CDH18: variants seen among roughly 807,000 people sequenced by gnomAD.
CDH18 encodes cadherin 18, also known as cadherin-18.
Under a neutral mutation model 67.9 loss-of-function variants are expected in CDH18, and 31 were observed. The observed-to-expected ratio is 0.46, with a 90% confidence interval of 0.34 to 0.62. The LOEUF (loss-of-function observed/expected upper bound fraction) is 0.62. Ranked by LOEUF, CDH18 falls within the 20% of genes least tolerant of loss-of-function variation. The probability of loss-of-function intolerance (pLI) is 0.01; values close to 1 mark genes in which losing one functional copy is unlikely to be tolerated. For synonymous variants in CDH18, 362 were observed against 347.2 expected (o/e 1.04, Z -0.48); for missense variants, 890 against 975.5 (o/e 0.91, Z 1.17).
At chr5:20,405,073 T>C (rs1328889070) in intron 1 of CDH18, among the ~76,000 whole-genome samples, 1 of 152,058 alleles carries the variant, frequency 6.6e-6, no homozygotes, top group Non-Finnish European at 1.5e-5. Flanking sequence ...TTCACAGAAT[T>C]GGGAAAAAAT....
At chr5:19,510,459 A>G (rs1744936902) in intron 10 of CDH18, among the ~76,000 whole-genome samples, 1 of 152,168 alleles carries the variant, frequency 6.6e-6, no homozygotes, top group Admixed American at 6.6e-5. Context: ...CAACAGCATA[A>G]TAAGTTCAAT....
chr5:20,255,216 G>A (rs750800281), intron 2 of CDH18, among the ~76,000 whole-genome samples: 2 of 152,032 alleles, frequency 1.3e-5, no homozygotes, highest in Non-Finnish European at 2.9e-5. Flanking sequence ...TAACAAACTT[G>A]CACATGTACC....
In CDH18 at chr5:20,146,130, G is replaced by A. The variant is rs564599905; in HGVS notation, c.-518+109314C>T. On this transcript the variant is annotated intron_variant, in intron 2 of 14. Coordinates refer to the CDH18 transcript ENST00000507958. Reference sequence around the variant, plus strand: ...GCCTCTCTCAGATCTTCACATGGCCGGCTCTTTTTCATGGTGCAGGATTCT... The same window carrying A: ...GCCTCTCTCAGATCTTCACATGGCCAGCTCTTTTTCATGGTGCAGGATTCT... Among the ~76,000 whole-genome samples, 121 of 152,018 alleles carry A rather than the reference G, an allele frequency of 8.0e-4. 2 individuals carry two copies. In the South Asian group the frequency reaches 0.024, roughly 30 times the overall value.
intron 1 of CDH18, among the ~76,000 whole-genome samples, chr5:20,272,363 T>A (rs184723694): frequency 6.6e-6 from 1 of 152,100 alleles, no homozygotes; most frequent in Admixed American, 6.6e-5. Context: ...GTAAGCATGA[T>A]TAACTTTTTT....
chr5:20,373,344 C>CTT (rs1007504050), intron 1 of CDH18, among the ~76,000 whole-genome samples: 1 of 152,122 alleles, frequency 6.6e-6, no homozygotes, highest in African/African-American at 2.4e-5. Flanking sequence ...ACCCCAGGGC[C>CTT]TTTGCACATT....
At chr5:20,204,592 T>C (rs1324385020) in intron 2 of CDH18, among the ~76,000 whole-genome samples, 1 of 151,712 alleles carries the variant, frequency 6.6e-6, no homozygotes, top group Non-Finnish European at 1.5e-5. Context: ...CACAGACAAA[T>C]CCAAAATATT....
rs145081884 is a variant in CDH18, at chr5:19,865,387, TA to T, written c.-256-26146del. ...GCACAAAAAATATAGTTTTGTTACT[TA>T]AAAAAAACCTCAATCTCTATTTCAA... On this transcript the variant is annotated intron_variant, in intron 2 of 12. Transcript: ENST00000382275. Among the ~76,000 whole-genome samples the T allele has an allele frequency of 5.5e-3, 829 of 152,106 alleles. 3 individuals are homozygous for T. Among genetic ancestry groups the T allele is most frequent in the South Asian group, 0.011 (54 of 4,820 alleles).
Position 19,839,261 on chromosome 5 carries a change from T to C in CDH18, c.-256-19A>G, listed in dbSNP as rs1383249063. 1 of 390,932 alleles carries C rather than the reference T, an allele frequency of 2.6e-6. No homozygotes were observed. The highest frequency in any genetic ancestry group is 2.0e-5 in the African/African-American group (1 of 49,748). The allele number at this position is 390,932 out of a possible 1,614,324, so 24.2% of individuals were successfully genotyped here. ...TTTCAACCTAATGGAAAGAGAAAATTATATGTGTTACAAAACACGGTTTTT... is the reference window on the plus strand; with the variant it reads ...TTTCAACCTAATGGAAAGAGAAAATCATATGTGTTACAAAACACGGTTTTT... On this transcript the variant is annotated intron_variant, in intron 2 of 12. Transcript: ENST00000382275.
chr5:19,613,695 G>A (rs962958610), intron 5 of CDH18, among the ~76,000 whole-genome samples: 13 of 152,038 alleles, frequency 8.6e-5, no homozygotes, highest in Non-Finnish European at 1.9e-4. Flanking sequence ...TCTGTTAATA[G>A]AGTCTTACGT....
At position 19,994,845 on chromosome 5, in the gene CDH18, T is replaced by TAG. The variant is rs1216282321; in HGVS notation, c.-517-2832_-517-2831insCT. Among the ~76,000 whole-genome samples the TAG allele has an allele frequency of 6.5e-3, 207 of 31,744 alleles. 9 individuals carry two copies. The highest frequency in any genetic ancestry group is 0.019 in the South Asian group (12 of 634). The allele number at this position is 31,744 out of a possible 152,430, so 20.8% of individuals were successfully genotyped here. A position where few individuals can be genotyped will look rare whatever the true frequency, so the allele number is the denominator to read the frequency against. On this transcript the variant is annotated intron_variant, in intron 2 of 14. Transcript: ENST00000507958. ...TATAAAGAGAATATATATATATATA[T>TAG]ATATATATATAGAGAGAGAGAGAGA... is the stretch of plus-strand genomic sequence containing the variant.
chr5:20,161,532 G>T (rs894727030), intron 2 of CDH18, among the ~76,000 whole-genome samples: 1 of 152,166 alleles, frequency 6.6e-6, no homozygotes, highest in African/African-American at 2.4e-5. Context: ...GAGGTAACCA[G>T]AGTAAGTTTT....
intron 1 of CDH18, among the ~76,000 whole-genome samples, chr5:20,478,196 A>G (rs1752563966): frequency 6.6e-6 from 1 of 152,038 alleles, no homozygotes; most frequent in South Asian, 2.1e-4. Flanking sequence ...AGCAATGAGG[A>G]GAGTCTTTTG....
At chr5:20,040,682 T>TA (rs1740341560) in intron 2 of CDH18, among the ~76,000 whole-genome samples, 1 of 152,126 alleles carries the variant, frequency 6.6e-6, no homozygotes, top group African/African-American at 2.4e-5. Context: ...TCCTAAATGT[T>TA]AGAGTTATCT....
At chr5:20,487,293 A>C (rs1753257335) in intron 1 of CDH18, among the ~76,000 whole-genome samples, 2 of 151,414 alleles carry the variant, frequency 1.3e-5, no homozygotes, top group Non-Finnish European at 2.9e-5. Flanking sequence ...CCACTCATCT[A>C]AAAATGTTTT....
At chr5:19,848,750 GA>G (rs747845385) in intron 2 of CDH18, among the ~76,000 whole-genome samples, 5 of 151,784 alleles carry the variant, frequency 3.3e-5, no homozygotes, top group African/African-American at 4.8e-5. Flanking sequence ...GTGCAGGTGA[GA>G]AATGATGGTA....
intron 5 of CDH18, among the ~76,000 whole-genome samples, chr5:19,716,086 T>A (rs549582957): frequency 6.6e-6 from 1 of 152,204 alleles, no homozygotes; most frequent in South Asian, 2.1e-4. Context: ...CCCAAAGTGC[T>A]AGGATTACAG....
rs190613006 is a variant in CDH18 at position 20,444,311 on chromosome 5, G to C, written c.-580+131151C>G. ...GCTGTTTAAACTATTTCTTCAGAAA[G>C]TCAAGTTTAAAAGGTGTGAGGAATC... On this transcript the variant is annotated intron_variant, in intron 1 of 14. Coordinates refer to the CDH18 transcript ENST00000507958. Among the ~76,000 whole-genome samples the C allele has an allele frequency of 1.4e-3, 219 of 152,294 alleles. 1 individual carries two copies. Among genetic ancestry groups the C allele is most frequent in the African/African-American group, 5.1e-3 (213 of 41,576 alleles).
intron 2 of CDH18, among the ~76,000 whole-genome samples, chr5:20,080,982 C>T (rs1207875151): frequency 6.6e-6 from 1 of 151,994 alleles, no homozygotes; most frequent in East Asian, 1.9e-4. Context: ...TTATATATCA[C>T]TCCCTCATGC....
intron 2 of CDH18, among the ~76,000 whole-genome samples, chr5:20,026,896 G>C (rs1484876525): frequency 6.6e-6 from 1 of 152,050 alleles, no homozygotes; most frequent in Non-Finnish European, 1.5e-5. Context: ...GGTGGAGCTT[G>C]CAGTGAGCTG....
Sources: allele counts gnomAD v4.1 joint callset (sites outside exome capture counted in the v4.1 genomes callset), GRCh38; gene constraint gnomAD v4.1.1; transcripts MANE v1.5; gene names NCBI Gene and HGNC (gene_info 2026-07-23, HGNC 2026-07-21).